The following ERC1 variants were observed in gnomAD, a reference collection of about 807,000 sequenced individuals.
The protein encoded by ERC1 is RAB6 interacting protein 2.
ERC1 carries 56 observed loss-of-function variants against 132.0 expected under a neutral mutation model. That is an observed-to-expected ratio of 0.42 (90% CI 0.34 to 0.53). ERC1 has a LOEUF of 0.53. Ranked by LOEUF, ERC1 falls within the 20% of genes least tolerant of loss-of-function variation. The probability of loss-of-function intolerance (pLI) is 0.03; values close to 1 mark genes in which losing one functional copy is unlikely to be tolerated. For missense variants in ERC1, 1,202 were observed against 1,349.9 expected (o/e 0.89, Z 1.72); for synonymous variants, 478 against 476.1 (o/e 1.00, Z -0.05).
Position 1,275,588 on chromosome 12 carries a change from G to A in ERC1, c.2619+12423G>A, listed in dbSNP as rs78002043. 2.0e-3 allele frequency among the ~76,000 whole-genome samples: 303 copies of A among 152,306 alleles called. 1 individual carries two copies. Among genetic ancestry groups the A allele is most frequent in the African/African-American group, 6.8e-3 (284 of 41,564 alleles). On this transcript the variant is annotated intron_variant, in intron 14 of 18. Coordinates refer to ENST00000360905, the MANE Select transcript of ERC1 (RefSeq NM_178040.4). ...CAAAGGAGATGGAGAGGTCTATTTG[G>A]AGATAAACTCAGCAAGATTTGCTGG...
intron 8 of ERC1, among the ~76,000 whole-genome samples, chr12:1,176,611 C>T (rs988077129): frequency 1.3e-5 from 2 of 150,540 alleles, no homozygotes; most frequent in South Asian, 2.1e-4. Context: ...GACAGAGTCT[C>T]GCTTCGTTGC....
At chr12:1,311,003 C>T (rs2081264474) in intron 15 of ERC1, among the ~76,000 whole-genome samples, 2 of 152,274 alleles carry the variant, frequency 1.3e-5, no homozygotes, top group South Asian at 4.1e-4. Context: ...CAAAATCTGC[C>T]AATGATATAA....
intron 8 of ERC1, among the ~76,000 whole-genome samples, chr12:1,145,915 T>G (rs940484840): frequency 7.2e-5 from 11 of 152,254 alleles, no homozygotes; most frequent in African/African-American, 2.7e-4. Flanking sequence ...TTCTCTATTC[T>G]GTTCCATTGG....
intron 4 of ERC1, among the ~76,000 whole-genome samples, chr12:1,106,665 T>G (rs1945298276): frequency 1.3e-5 from 2 of 152,198 alleles, no homozygotes; most frequent in African/African-American, 4.8e-5. Context: ...AATCGTTCAG[T>G]TGCATGGTTT....
chr12:1,392,657 T>G (rs1235337970), intron 16 of ERC1, among the ~76,000 whole-genome samples: 1 of 152,230 alleles, frequency 6.6e-6, no homozygotes, highest in Non-Finnish European at 1.5e-5. Flanking sequence ...GATACTTGTA[T>G]ATTTCTGGAA....
intron 7 of ERC1, among the ~76,000 whole-genome samples, chr12:1,123,435 A>G (rs1275915344): frequency 6.6e-6 from 1 of 152,218 alleles, no homozygotes; most frequent in African/African-American, 2.4e-5. Flanking sequence ...TATAAATCTC[A>G]GTTGGGCTAA....
chr12:1,054,170 G>A (rs964628416), intron 2 of ERC1, among the ~76,000 whole-genome samples: 1 of 152,180 alleles, frequency 6.6e-6, no homozygotes, highest in African/African-American at 2.4e-5. Flanking sequence ...GTTACGTGCT[G>A]TAAAAATCAT....
intron 14 of ERC1, among the ~76,000 whole-genome samples, chr12:1,272,683 C>T (rs2077946824): frequency 6.6e-6 from 1 of 152,114 alleles, no homozygotes; most frequent in Non-Finnish European, 1.5e-5. Flanking sequence ...GGCGCTGTGG[C>T]TTATACCTGT....
chr12:1,024,922 TAAC>T (rs1202230332), intron 1 of ERC1, among the ~76,000 whole-genome samples: 2 of 151,208 alleles, frequency 1.3e-5, no homozygotes, highest in African/African-American at 4.9e-5. Context: ...ACAATAAGTA[TAAC>T]AACGATTTAC....
chr12:1,363,770 G>A (rs1365731775), intron 15 of ERC1, among the ~76,000 whole-genome samples: 1 of 151,884 alleles, frequency 6.6e-6, no homozygotes, highest in Non-Finnish European at 1.5e-5. Context: ...TGCGCAGGCT[G>A]GGCTCGAACT....
At chr12:1,192,101 T>A (rs1009191411) in intron 12 of ERC1, among the ~76,000 whole-genome samples, 1 of 152,222 alleles carries the variant, frequency 6.6e-6, no homozygotes. Context: ...CTTTCTGTTC[T>A]GCCAAGGCTA....
intron 18 of ERC1, among the ~76,000 whole-genome samples, chr12:1,461,557 A>G (rs555419505): frequency 6.6e-6 from 1 of 151,994 alleles, no homozygotes; most frequent in South Asian, 2.1e-4. Context: ...AATCTCAGCT[A>G]CTTGGGAGGC....
intron 1 of ERC1, among the ~76,000 whole-genome samples, chr12:1,001,288 C>T (rs1376468584): frequency 6.6e-6 from 1 of 152,194 alleles, no homozygotes; most frequent in Non-Finnish European, 1.5e-5. Context: ...GAATTCATAG[C>T]TTCAAATGAT....
At chr12:1,027,241 T>C (rs1194316899) in intron 1 of ERC1, among the ~76,000 whole-genome samples, 2 of 152,272 alleles carry the variant, frequency 1.3e-5, no homozygotes, top group South Asian at 2.1e-4. Flanking sequence ...TATATTGATA[T>C]TGAGTTTGAC....
At chr12:1,002,897 C>T (rs1342960282) in intron 1 of ERC1, among the ~76,000 whole-genome samples, 2 of 150,508 alleles carry the variant, frequency 1.3e-5, no homozygotes, top group East Asian at 3.9e-4. Context: ...GGATATGACC[C>T]CTTCTTTGGT....
chr12:1,448,865 T>G (rs2093364292), intron 18 of ERC1, among the ~76,000 whole-genome samples: 2 of 152,202 alleles, frequency 1.3e-5, no homozygotes, highest in Non-Finnish European at 2.9e-5. Context: ...CACCGCTGGT[T>G]TGCACCTTGC....
chr12:1,396,419 A>G (rs1026622075), intron 16 of ERC1, among the ~76,000 whole-genome samples: 1 of 152,204 alleles, frequency 6.6e-6, no homozygotes, highest in Non-Finnish European at 1.5e-5. Context: ...TTCAACAAAC[A>G]TATAAAGGAT....
chr12:1,390,168 A>T (rs1479581227), intron 16 of ERC1, among the ~76,000 whole-genome samples: 1 of 152,180 alleles, frequency 6.6e-6, no homozygotes, highest in Non-Finnish European at 1.5e-5. Flanking sequence ...CCTTCTAATT[A>T]TAGTAGTAAA....
At chr12:1,103,330 T>C (rs1944886754) in intron 3 of ERC1, among the ~76,000 whole-genome samples, 1 of 152,098 alleles carries the variant, frequency 6.6e-6, no homozygotes, top group African/African-American at 2.4e-5. Context: ...ATGAGGCCTT[T>C]GCAGGCTGCC....
Sources: gnomAD v4.1 joint callset for allele counts (sites outside exome capture counted in the v4.1 genomes callset) on GRCh38, gnomAD v4.1.1 for gene constraint, MANE v1.5 for transcripts, NCBI Gene and HGNC (gene_info 2026-07-23, HGNC 2026-07-21) for gene names.